Variants in SLC25A21 observed in about 807,000 individuals in gnomAD.
The protein encoded by SLC25A21 is mitochondrial 2-oxodicarboxylate carrier.
Under a neutral mutation model 43.8 loss-of-function variants are expected in SLC25A21, and 47 were observed. The observed-to-expected ratio is 1.07, with a 90% CI of 0.85 to 1.37. The LOEUF (loss-of-function observed/expected upper bound fraction) is 1.37. Ranked by LOEUF, SLC25A21 falls within the 40% of genes most tolerant of loss-of-function variation. The pLI is 0.00. For synonymous variants in SLC25A21, 131 were observed against 121.3 expected (o/e 1.08, Z -0.52); for missense variants, 352 against 350.2 (o/e 1.00, Z -0.04).
chr14:37,007,258 C>A (rs1429430853), intron 1 of SLC25A21, among the ~76,000 whole-genome samples: 1 of 152,110 alleles, frequency 6.6e-6, no homozygotes, highest in African/African-American at 2.4e-5. Context: ...CATGCAAAAG[C>A]CTTAGGTAAA....
At chr14:36,709,057 G>A (rs183990196) in intron 7 of SLC25A21, among the ~76,000 whole-genome samples, 1 of 151,448 alleles carries the variant, frequency 6.6e-6, no homozygotes, top group East Asian at 1.9e-4. Flanking sequence ...GCCCAGGCTG[G>A]AGTGCAATGG....
chr14:36,899,320 G>A (rs1891337188), intron 1 of SLC25A21, among the ~76,000 whole-genome samples: 1 of 152,236 alleles, frequency 6.6e-6, no homozygotes, highest in Middle Eastern at 3.4e-3. Context: ...ACAACATTCT[G>A]GAAAGAGGAT....
At chr14:36,928,818 G>A (rs906093121) in intron 1 of SLC25A21, among the ~76,000 whole-genome samples, 1 of 152,092 alleles carries the variant, frequency 6.6e-6, no homozygotes, top group Non-Finnish European at 1.5e-5. Flanking sequence ...CTGAAGAAAT[G>A]TGAACAGTTT....
chr14:36,693,498 T>C (rs992898714), intron 7 of SLC25A21, among the ~76,000 whole-genome samples: 7 of 152,204 alleles, frequency 4.6e-5, no homozygotes, highest in Non-Finnish European at 1.0e-4. Context: ...AATTTAAGCA[T>C]AGTGAATGTA....
chr14:36,893,425 T>G (rs1891141406), intron 1 of SLC25A21, among the ~76,000 whole-genome samples: 1 of 152,200 alleles, frequency 6.6e-6, no homozygotes, highest in Non-Finnish European at 1.5e-5. Context: ...TTGAGTTCAT[T>G]GAAGATTCTG....
At chr14:37,022,528 A>C (rs1961008494) in intron 1 of SLC25A21, among the ~76,000 whole-genome samples, 1 of 151,928 alleles carries the variant, frequency 6.6e-6, no homozygotes, top group Non-Finnish European at 1.5e-5. Flanking sequence ...TCTCTCTCTC[A>C]ACAACCTCTT....
At chr14:36,832,252 C>T (rs1889064543) in intron 2 of SLC25A21, among the ~76,000 whole-genome samples, 1 of 151,930 alleles carries the variant, frequency 6.6e-6, no homozygotes, top group Non-Finnish European at 1.5e-5. Flanking sequence ...AATGATTCTA[C>T]AAAATAATAT....
At chr14:37,156,956 T>C (rs1361409394) in intron 1 of SLC25A21, among the ~76,000 whole-genome samples, 1 of 152,240 alleles carries the variant, frequency 6.6e-6, no homozygotes, top group Admixed American at 6.5e-5. Flanking sequence ...CAAAACATTA[T>C]ATCCAACAAG....
At chr14:36,835,025 T>C (rs926905221) in intron 2 of SLC25A21, among the ~76,000 whole-genome samples, 1 of 152,174 alleles carries the variant, frequency 6.6e-6, no homozygotes, top group African/African-American at 2.4e-5. Flanking sequence ...TAAACAAAAA[T>C]CAATTTCCTA....
chr14:36,900,490 C>T (rs1891369210), intron 1 of SLC25A21, among the ~76,000 whole-genome samples: 1 of 152,156 alleles, frequency 6.6e-6, no homozygotes, highest in South Asian at 2.1e-4. Flanking sequence ...CCCTATCTAA[C>T]TTTTAATCTT....
chr14:36,686,725 T>C (rs186308806), intron 7 of SLC25A21, among the ~76,000 whole-genome samples: 1 of 152,308 alleles, frequency 6.6e-6, no homozygotes, highest in East Asian at 1.9e-4. Context: ...TCTTTCTTTT[T>C]CAATTAAGGA....
chr14:37,085,890 G>T (rs547581543), intron 1 of SLC25A21, among the ~76,000 whole-genome samples: 2 of 152,264 alleles, frequency 1.3e-5, no homozygotes, highest in South Asian at 4.1e-4. Flanking sequence ...CAGATCACGA[G>T]GTCAGGAGAT....
chr14:36,924,879 C>G (rs1476452289), intron 1 of SLC25A21, among the ~76,000 whole-genome samples: 1 of 151,946 alleles, frequency 6.6e-6, no homozygotes, highest in East Asian at 1.9e-4. Flanking sequence ...AAATACTATG[C>G]TATTTTATAT....
intron 1 of SLC25A21, among the ~76,000 whole-genome samples, chr14:36,952,703 T>TA (rs1892842649): frequency 6.6e-6 from 1 of 152,088 alleles, no homozygotes; most frequent in South Asian, 2.1e-4. Context: ...TAACTAAGGG[T>TA]AAAAACAAGA....
At chr14:37,093,798 A>G (rs539864752) in intron 1 of SLC25A21, among the ~76,000 whole-genome samples, 1 of 152,330 alleles carries the variant, frequency 6.6e-6, no homozygotes, top group African/African-American at 2.4e-5. Flanking sequence ...TTTCTCTCCA[A>G]CGTGGTGGGA....
At chr14:37,053,602 A>G (rs1038899734) in intron 1 of SLC25A21, among the ~76,000 whole-genome samples, 1 of 152,216 alleles carries the variant, frequency 6.6e-6, no homozygotes, top group African/African-American at 2.4e-5. Context: ...GGAAGCATCC[A>G]ATTTGTAGCC....
At chr14:36,758,130 A>C (rs2139272723) in intron 3 of SLC25A21, among the ~76,000 whole-genome samples, 1 of 152,292 alleles carries the variant, frequency 6.6e-6, no homozygotes, top group African/African-American at 2.4e-5. Flanking sequence ...GTGAACTCTT[A>C]CCCTGGTGGC....
chr14:37,094,567 C>T (rs1962649238), intron 1 of SLC25A21, among the ~76,000 whole-genome samples: 1 of 152,050 alleles, frequency 6.6e-6, no homozygotes, highest in African/African-American at 2.4e-5. Context: ...AATTGTGCAG[C>T]AAGTTTGTAC....
chr14:37,160,012 G>A (rs1341785966), intron 1 of SLC25A21, among the ~76,000 whole-genome samples: 1 of 152,134 alleles, frequency 6.6e-6, no homozygotes, highest in Non-Finnish European at 1.5e-5. Flanking sequence ...AAACCACAAT[G>A]AGATATCATC....
Sources: gnomAD v4.1 joint callset for allele counts (sites outside exome capture counted in the v4.1 genomes callset) on GRCh38, gnomAD v4.1.1 for gene constraint, MANE v1.5 for transcripts, NCBI Gene and HGNC (gene_info 2026-07-23, HGNC 2026-07-21) for gene names.